Variants in UBAP1L observed in about 807,000 individuals in gnomAD.
The protein encoded by UBAP1L is ubiquitin associated protein 1 like.
A neutral mutation model predicts 32.1 loss-of-function variants in UBAP1L; 32 were observed. The ratio of observed to expected loss-of-function variants is 1.00; its 90% confidence interval spans 0.75 to 1.34. The LOEUF (loss-of-function observed/expected upper bound fraction) is 1.34. Among genes scored for constraint, UBAP1L ranks in the 40% most tolerant of loss-of-function variants. UBAP1L has a pLI of 0.00. For synonymous variants in UBAP1L, 243 were observed against 250.2 expected (o/e 0.97, Z 0.27); for missense variants, 516 against 540.5 (o/e 0.95, Z 0.45).
chr15:65,093,354 C>T lies in UBAP1L; in HGVS notation c.1012-123G>A, dbSNP rs1481654413. 12 of 1,255,506 alleles carry T rather than the reference C, an allele frequency of 9.6e-6. No individual in the cohort carries two copies. The East Asian group carries it at 1.1e-4, about 11-fold the overall frequency. 77.8% of individuals were successfully genotyped at this position (1,255,506 alleles called of 1,614,324 possible). ...AAAAGCTGTGGCTACCCCCAGGCCA[C>T]GTGAGCCTGATCCTGGGCCACACCT... On this transcript the variant is annotated intron_variant, in intron 5 of 5. Transcript: ENST00000559089.
chr15:65,099,229 A>G (rs947227026), intron 4 of UBAP1L: 9 of 430,358 alleles, frequency 2.1e-5, no homozygotes, highest in African/African-American at 1.8e-4. Flanking sequence ...GACACTCTTC[A>G]GTTGTCTGCC....
intron 4 of UBAP1L, chr15:65,095,286 C>G (rs2087160147): frequency 6.6e-6 from 1 of 152,556 alleles, no homozygotes; most frequent in Non-Finnish European, 1.5e-5. Flanking sequence ...AGGCTGGCCT[C>G]CTTCCCTGTC....
chr15:65,103,057 G>A (rs2087262585), intron 2 of UBAP1L, among the ~76,000 whole-genome samples: 1 of 152,206 alleles, frequency 6.6e-6, no homozygotes, highest in African/African-American at 2.4e-5. Flanking sequence ...CCTGAGCCCA[G>A]CAGTTTGCCA....
In UBAP1L at chr15:65,102,355, G is replaced by A; in HGVS notation, c.450C>T (p.Gly150=). The part of the protein sequence containing the change: ...RRLCSLDVLR[G]VRLELAGARR... ...GCGCCCCTGCCAGCTCCAACCGCAC[G>A]CCGCGTAGCACGTCCAGCGAGCACA... The change falls in exon 3 of 6, where the codon GGC becomes GGT. Residue 150 remains glycine, a synonymous_variant. Transcript: ENST00000559089. This position sits in a 1 kb window ranked among gnomAD's most constrained non-coding sequence, Gnocchi z 5.0. 6.8e-7 allele frequency: 1 copy of A among 1,473,094 alleles called. No individual in the cohort carries two copies. The highest frequency in any genetic ancestry group is 8.9e-7 in the Non-Finnish European group (1 of 1,120,864). The allele number at this position is 1,473,094 out of a possible 1,614,324, so 91.3% of individuals were successfully genotyped here. A position where few individuals can be genotyped will look rare whatever the true frequency, so the allele number is the denominator to read the frequency against.
In UBAP1L at chr15:65,106,131, C is replaced by T. The variant is rs1041451383; in HGVS notation, c.85G>A (p.Val29Ile). ...TEPLPGPELS[V>I]PACGEVLLGS... ...AGCAGAACTTCCCCGCAGGCCGGGACGCTGAGTTCTGGCCCAGGGAGAGGC... is the reference window on the plus strand; with the variant it reads ...AGCAGAACTTCCCCGCAGGCCGGGATGCTGAGTTCTGGCCCAGGGAGAGGC... Residue 29 changes from valine to isoleucine, a missense_variant, in exon 2 of 6, where the codon GTC becomes ATC. Physicochemically the swap from Val to Ile is conservative, Grantham distance 29. Transcript: ENST00000559089. The T allele has an allele frequency of 1.4e-5, 22 of 1,550,864 alleles. No individual in the cohort carries two copies. Among genetic ancestry groups the T allele is most frequent in the African/African-American group, 5.5e-5 (4 of 72,988 alleles).
At chr15:65,097,356 A>G (rs1463944649) in intron 4 of UBAP1L, 1 of 152,392 alleles carries the variant, frequency 6.6e-6, no homozygotes, top group Non-Finnish European at 1.5e-5. Flanking sequence ...CTTTTTGGCC[A>G]GGACTCTGGC....
intron 1 of UBAP1L, among the ~76,000 whole-genome samples, chr15:65,112,036 C>A (rs1182127673): frequency 6.6e-6 from 1 of 152,134 alleles, no homozygotes; most frequent in Non-Finnish European, 1.5e-5. Flanking sequence ...ATGAGGGTCA[C>A]CTCACTAGGT....
chr15:65,102,598 C>T lies in UBAP1L; in HGVS notation c.207G>A (p.Gly69=). ...GCCAGGCTGGAGGGGCTGACGCTGT[C>T]CCCGGGTCACCGCACTGGTACGGGC... ...GPSPYQCGDP[G]TASAPPAWLL... is the part of the protein sequence containing the mutation. Residue 69 remains glycine, a synonymous_variant, in exon 3 of 6, where the codon GGG becomes GGA. Transcript: ENST00000559089. This position sits in a 1 kb window ranked among gnomAD's most constrained non-coding sequence, Gnocchi z 5.0. 6.5e-7 allele frequency: 1 copy of T among 1,548,560 alleles called. No individual in the cohort carries two copies. The highest frequency in any genetic ancestry group is 8.7e-7 in the Non-Finnish European group (1 of 1,146,282).
chr15:65,099,909 T>C (rs570773744), intron 3 of UBAP1L, 195 bp from the exon 4 acceptor site: 25 of 524,372 alleles, frequency 4.8e-5, no homozygotes, highest in Non-Finnish European at 7.4e-5. Context: ...ATGAGGGCAA[T>C]CCCTAAGCTA....
chr15:65,104,684 G>A (rs925852434), intron 2 of UBAP1L, among the ~76,000 whole-genome samples: 1 of 152,130 alleles, frequency 6.6e-6, no homozygotes, highest in Non-Finnish European at 1.5e-5. Flanking sequence ...AAGTCCACCT[G>A]GGCAACATAG....
rs1270447522 is a variant in UBAP1L at position 65,102,198 on chromosome 15, C to T, written c.607G>A (p.Ala203Thr). ...GCGGGGGCGGCGGGGTGCTGGGGCG[C>T]GGGCCCCGGGGGTGATGCAGACCTG... is the stretch of plus-strand genomic sequence containing the variant. ...SPRSASPPGP[A>T]PQHPAAPASP... Residue 203 changes from alanine to threonine, a missense_variant, in exon 3 of 6, where the codon GCG (alanine) becomes ACG (threonine). Ala to Thr is a moderately conservative substitution (Grantham distance 58, BLOSUM62 0). Transcript: ENST00000559089. The surrounding 1 kb of genome is among the most constrained non-coding windows in gnomAD (Gnocchi z 5.0). 10 of 1,199,808 alleles carry T rather than the reference C, an allele frequency of 8.3e-6. No individual in the cohort carries two copies. In the East Asian group the frequency reaches 2.2e-4, roughly 26 times the overall value. 74.3% of individuals were successfully genotyped at this position (1,199,808 alleles called of 1,614,324 possible).
chr15:65,093,775 G>A (rs2087143837), intron 5 of UBAP1L, among the ~76,000 whole-genome samples: 1 of 152,238 alleles, frequency 6.6e-6, no homozygotes, highest in African/African-American at 2.4e-5. Flanking sequence ...CGGGTGCGGT[G>A]GCTCACGCCT....
chr15:65,109,627 A>G (rs1230603726), intron 1 of UBAP1L, among the ~76,000 whole-genome samples: 2 of 152,218 alleles, frequency 1.3e-5, no homozygotes, highest in African/African-American at 2.4e-5. Flanking sequence ...GTATATACAA[A>G]GAACTTCTAT....
intron 1 of UBAP1L, among the ~76,000 whole-genome samples, chr15:65,112,459 C>A (rs2087374716): frequency 6.6e-6 from 1 of 152,052 alleles, no homozygotes; most frequent in Non-Finnish European, 1.5e-5. Flanking sequence ...TAAGCCAGGA[C>A]CTCTCAAACA....
intron 5 of UBAP1L, among the ~76,000 whole-genome samples, chr15:65,093,561 A>T (rs2140555087): frequency 6.6e-6 from 1 of 152,298 alleles, no homozygotes; most frequent in Non-Finnish European, 1.5e-5. Context: ...GAGCACAAAC[A>T]GCCCAAGGTC....
rs752865834 is a variant in UBAP1L at position 65,093,138 on chromosome 15, G to T, written c.1105C>A (p.Arg369=). The T allele has an allele frequency of 5.2e-6, 8 of 1,549,756 alleles. No individual in the cohort carries two copies. In the African/African-American group the frequency reaches 8.2e-5, roughly 16 times the overall value. ...ACCAGCTCCTCCAGGGCTTGCTCTC[G>T]GCGGTTGCCATGGACCAGCAGCACC... ...KEVLLVHGNR[R]EQALEELVAC... is the part of the protein sequence containing the mutation. Residue 369 remains arginine, a synonymous_variant, in exon 6 of 6, where the codon CGA becomes AGA. Coordinates refer to ENST00000559089, the MANE Select transcript of UBAP1L (RefSeq NM_001163692.2).
chr15:65,112,474 C>T (rs181332004), intron 1 of UBAP1L, among the ~76,000 whole-genome samples: 1 of 152,162 alleles, frequency 6.6e-6, no homozygotes, highest in East Asian at 1.9e-4. Context: ...CAAACACTAG[C>T]CCATGAGGTG....
intron 1 of UBAP1L, among the ~76,000 whole-genome samples, chr15:65,113,197 C>T (rs2087380249): frequency 6.6e-6 from 1 of 152,078 alleles, no homozygotes; most frequent in Non-Finnish European, 1.5e-5. Context: ...ATAGCAAGAC[C>T]CCTTCTTTAG....
chr15:65,102,346 C>T lies in UBAP1L; in HGVS notation c.459G>A (p.Leu153=), dbSNP rs751354132. 3.4e-6 allele frequency: 5 copies of T among 1,471,122 alleles called. 1 individual carries two copies. In the South Asian group the frequency reaches 3.9e-5, roughly 11 times the overall value. The allele number at this position is 1,471,122 out of a possible 1,614,324, so 91.1% of individuals were successfully genotyped here. The part of the protein sequence containing the change: ...CSLDVLRGVR[L]ELAGARRRLS... ...GCCGCCGCCGCGCCCCTGCCAGCTC[C>T]AACCGCACGCCGCGTAGCACGTCCA... Residue 153 remains leucine, a synonymous_variant, in exon 3 of 6, where the codon TTG becomes TTA. Coordinates refer to ENST00000559089, the MANE Select transcript of UBAP1L (RefSeq NM_001163692.2). The surrounding 1 kb of genome is among the most constrained non-coding windows in gnomAD (Gnocchi z 5.0).
Sources: allele counts gnomAD v4.1 joint callset (sites outside exome capture counted in the v4.1 genomes callset), GRCh38; gene constraint gnomAD v4.1.1; non-coding constraint Gnocchi (gnomAD v3.1); transcripts MANE v1.5; gene names NCBI Gene and HGNC (gene_info 2026-07-23, HGNC 2026-07-21).